The following MICAL2 variants were observed in gnomAD, a reference collection of about 807,000 sequenced individuals.
The protein encoded by MICAL2 is microtubule associated monooxygenase, calponin and LIM domain containing 2, also known as [F-actin]-monooxygenase MICAL2.
Under a neutral mutation model 127.3 loss-of-function variants are expected in MICAL2, and 77 were observed. That is an observed-to-expected ratio of 0.60 (90% CI 0.50 to 0.73). MICAL2 has a LOEUF of 0.73. Ranked by LOEUF, MICAL2 falls within the 30% of genes least tolerant of loss-of-function variation. The pLI is 0.00. For synonymous variants in MICAL2, 570 were observed against 551.1 expected (o/e 1.03, Z -0.48); for missense variants, 1,351 against 1,434.4 (o/e 0.94, Z 0.94).
chr11:12,124,625 A>G (rs1850767546), intron 1 of MICAL2, among the ~76,000 whole-genome samples: 2 of 152,176 alleles, frequency 1.3e-5, no homozygotes, highest in African/African-American at 4.8e-5. Context: ...GGGGACTTGA[A>G]GTCATTGCAA....
chr11:12,225,966 G>A lies in MICAL2; in HGVS notation c.1689-205G>A, dbSNP rs150830490. Among the ~76,000 whole-genome samples, 551 of 152,214 alleles carry A rather than the reference G, an allele frequency of 3.6e-3. 4 individuals are homozygous for A. The highest frequency in any genetic ancestry group is 6.7e-3 in the Admixed American group (102 of 15,292). ...CCCAGGCAGCAATAACGTCATCATG[G>A]CCCAGGTCTGATTTTGTCCCTTCCT... is the stretch of plus-strand genomic sequence containing the variant. On this transcript the variant is annotated intron_variant, in intron 13 of 27. Transcript: ENST00000683283.
rs1021160904 is a variant in MICAL2, at chr11:12,110,723, T to G, written c.-152T>G. 66 of 148,598 alleles carry G rather than the reference T, an allele frequency of 4.4e-4. No individual in the cohort carries two copies. The highest frequency in any genetic ancestry group is 1.5e-3 in the African/African-American group (62 of 40,976). The allele number at this position is 148,598 out of a possible 1,614,324, so 9.2% of individuals were successfully genotyped here. A position where few individuals can be genotyped will look rare whatever the true frequency, so the allele number is the denominator to read the frequency against. ...CCGGGGCCGGGCAGCCCGCGCGACT[T>G]TCGGTAAGGCGGGGGCGGCGCTGGC... On this transcript the variant is annotated 5_prime_UTR_variant, in exon 1 of 28. Transcript: ENST00000683283. This position sits in a 1 kb window ranked among gnomAD's most constrained non-coding sequence, Gnocchi z 4.5.
intron 30 of MICAL2, among the ~76,000 whole-genome samples, chr11:12,321,710 A>G (rs1273591906): frequency 2.0e-5 from 3 of 152,124 alleles, no homozygotes; most frequent in Admixed American, 2.0e-4. Context: ...ATAAAAGGCA[A>G]TACATGACTT....
intron 24 of MICAL2, among the ~76,000 whole-genome samples, chr11:12,270,273 G>A (rs1252359496): frequency 6.6e-6 from 1 of 152,230 alleles, no homozygotes; most frequent in Non-Finnish European, 1.5e-5. Flanking sequence ...TGTGTGCTCA[G>A]ATGCCTTCCC....
intron 15 of MICAL2, among the ~76,000 whole-genome samples, chr11:12,228,330 A>T (rs544585148): frequency 1.3e-4 from 20 of 152,014 alleles, no homozygotes; most frequent in African/African-American, 4.1e-4. Flanking sequence ...AATTCCACTT[A>T]AAAAAAACAA....
intron 32 of MICAL2, among the ~76,000 whole-genome samples, chr11:12,334,066 G>A (rs1030735001): frequency 1.3e-5 from 2 of 152,126 alleles, no homozygotes; most frequent in Non-Finnish European, 2.9e-5. Flanking sequence ...AACTTGAGAT[G>A]TTAAGAAGAA....
At chr11:12,260,419 C>A in intron 26 of MICAL2, 2 of 1,230,400 alleles carry the variant, frequency 1.6e-6, no homozygotes, top group Non-Finnish European at 2.0e-6. Context: ...TCTGGGTTTA[C>A]ATTTCAATTT....
At chr11:12,115,578 C>T (rs1274209000) in intron 1 of MICAL2, among the ~76,000 whole-genome samples, 4 of 152,160 alleles carry the variant, frequency 2.6e-5, no homozygotes, top group African/African-American at 9.7e-5. Context: ...CTTGACCTTC[C>T]AAAGTACTGG....
chr11:12,151,469 T>A (rs556290731), intron 2 of MICAL2, among the ~76,000 whole-genome samples: 9 of 152,192 alleles, frequency 5.9e-5, no homozygotes, highest in Non-Finnish European at 1.3e-4. Context: ...ATACCTACTG[T>A]ATTAGCTAGG....
intron 15 of MICAL2, among the ~76,000 whole-genome samples, chr11:12,233,443 T>C (rs1291243651): frequency 2.6e-5 from 4 of 152,224 alleles, no homozygotes; most frequent in Non-Finnish European, 4.4e-5. Flanking sequence ...CTATGACCCA[T>C]ATCTAAATTA....
intron 1 of MICAL2, among the ~76,000 whole-genome samples, chr11:12,130,203 G>A (rs1214619247): frequency 6.6e-6 from 1 of 152,188 alleles, no homozygotes; most frequent in Non-Finnish European, 1.5e-5. Context: ...GGAGACAATG[G>A]GGGAGAGCAT....
intron 22 of MICAL2, among the ~76,000 whole-genome samples, chr11:12,251,224 TTTGAGGAGCAGTGAGCTAAGCCACAGTG>T (rs1438255546): frequency 5.8e-4 from 4 of 6,928 alleles, no homozygotes; most frequent in East Asian, 0.013. Flanking sequence ...CCACAGATAG[TTTGAGGAGCAGTGAGCTAAGCCACAGTG>T]AGTTTGAGGA....
At chr11:12,234,466 G>A (rs1481002795) in intron 15 of MICAL2, among the ~76,000 whole-genome samples, 2 of 152,192 alleles carry the variant, frequency 1.3e-5, no homozygotes, top group African/African-American at 4.8e-5. Context: ...ACCCAACATT[G>A]TTGCAAATAA....
upstream of MICAL2, chr11:12,274,369 CA>C (rs1188232464): frequency 6.6e-6 from 1 of 151,968 alleles, no homozygotes; most frequent in Non-Finnish European, 1.5e-5. Flanking sequence ...ATGAAACAGA[CA>C]AAAATCACTG....
intron 1 of MICAL2, among the ~76,000 whole-genome samples, chr11:12,115,978 C>CTTT (rs1201204008): frequency 4.5e-5 from 6 of 134,670 alleles, no homozygotes; most frequent in East Asian, 4.2e-4. Context: ...CTTTCCCTTT[C>CTTT]TTTTTTTTTT....
At position 12,225,896 on chromosome 11, in the gene MICAL2, C is replaced by T. The variant is rs529718248; in HGVS notation, c.1689-275C>T. 8.6e-5 allele frequency: 41 copies of T among 475,312 alleles called. 2 individuals are homozygous for T. The South Asian group carries it at 1.2e-3, about 14-fold the overall frequency. 29.4% of individuals were successfully genotyped at this position (475,312 alleles called of 1,614,324 possible). On this transcript the variant is annotated intron_variant, in intron 13 of 27. Transcript: ENST00000683283. The stretch of plus-strand genomic sequence containing the variant: ...GGATATATTTAAAAGTAAAATAGCT[C>T]ATAAATGTTCCCAAGAGGTTTAAAT...
intron 22 of MICAL2, chr11:12,254,018 C>T (rs982467690): frequency 6.6e-6 from 1 of 152,192 alleles, no homozygotes; most frequent in Non-Finnish European, 1.5e-5. Flanking sequence ...CATCCTGAAG[C>T]TATCCAGGAG....
rs933421562 is a variant in MICAL2, at chr11:12,304,671, C to T, written c.5212+9814C>T. ...ACACACACACACACACACACACACA[C>T]ACACACACACACACACACACACAAA... On this transcript the variant is annotated intron_variant, in intron 29 of 34. Transcript: ENST00000646065. 1.2e-4 allele frequency among the ~76,000 whole-genome samples: 18 copies of T among 151,808 alleles called. 1 individual carries two copies. The South Asian group carries it at 2.9e-3, about 25-fold the overall frequency.
At chr11:12,133,515 G>A (rs929225308) in intron 1 of MICAL2, among the ~76,000 whole-genome samples, 7 of 152,132 alleles carry the variant, frequency 4.6e-5, no homozygotes, top group Non-Finnish European at 1.0e-4. Context: ...CCAGAAAGTA[G>A]TGAGTAAGTG....
Sources: allele counts gnomAD v4.1 joint callset (sites outside exome capture counted in the v4.1 genomes callset), GRCh38; gene constraint gnomAD v4.1.1; non-coding constraint Gnocchi (gnomAD v3.1); transcripts MANE v1.5; gene names NCBI Gene and HGNC (gene_info 2026-07-23, HGNC 2026-07-21).